Variants in SCIN observed in about 807,000 individuals in gnomAD.
SCIN encodes adseverin.
A neutral mutation model predicts 91.8 loss-of-function variants in SCIN; 91 were observed. The ratio of observed to expected loss-of-function variants is 0.99; its 90% CI spans 0.84 to 1.18. The LOEUF (loss-of-function observed/expected upper bound fraction) is 1.18. Among genes scored for constraint, SCIN ranks in the 50% most tolerant of loss-of-function variants. The probability of loss-of-function intolerance (pLI) is 0.00; values close to 1 mark genes in which losing one functional copy is unlikely to be tolerated. For missense variants in SCIN, 1,087 were observed against 863.9 expected, an observed-to-expected ratio of 1.26 and a Z score of -3.24; for synonymous variants, 367 against 312.6, an observed-to-expected ratio of 1.17 and a Z score of -1.84.
intron 13 of SCIN, among the ~76,000 whole-genome samples, chr7:12,645,672 G>A (rs147886192): frequency 1.3e-5 from 2 of 152,198 alleles, no homozygotes; most frequent in East Asian, 3.9e-4. Context: ...GGCCCCCAGT[G>A]TGTGTTGTTC....
At position 12,651,791 on chromosome 7, in the gene SCIN, T is replaced by A; in HGVS notation, c.1960-50T>A. The A allele has an allele frequency of 8.2e-7, 1 of 1,218,836 alleles. No individual in the cohort carries two copies. Among genetic ancestry groups the A allele is most frequent in the Non-Finnish European group, 1.2e-6 (1 of 842,068 alleles). 75.5% of individuals were successfully genotyped at this position (1,218,836 alleles called of 1,614,324 possible). A position where few individuals can be genotyped will look rare whatever the true frequency, so the allele number is the denominator to read the frequency against. On this transcript the variant is annotated intron_variant, in intron 14 of 15. Transcript: ENST00000297029. This position sits in a 1 kb window ranked among gnomAD's most constrained non-coding sequence, Gnocchi z 5.9. Reference sequence around the variant, plus strand: ...AAGCACTTTACATAGGGCCTAGCACTGAGTCAACATCCCAGAAATCATACA... The same window carrying A: ...AAGCACTTTACATAGGGCCTAGCACAGAGTCAACATCCCAGAAATCATACA...
At chr7:12,629,398 C>CCA (rs10655155) in intron 9 of SCIN, among the ~76,000 whole-genome samples, 176 bp downstream of exon 9, 44,456 of 151,914 alleles carry the variant, frequency 0.29, 7,866 homozygotes, top group African/African-American at 0.47. Flanking sequence ...CAGTTGCCAT[C>CCA]CACAGGCAGC....
intron 4 of SCIN, among the ~76,000 whole-genome samples, chr7:12,611,453 A>G (rs1524934): frequency 0.45 from 68,902 of 151,950 alleles, 16,371 homozygotes; most frequent in Admixed American, 0.6. Flanking sequence ...TCCTAAGTTT[A>G]CTAGACTTAC....
intron 4 of SCIN, among the ~76,000 whole-genome samples, chr7:12,612,051 T>C (rs1480207592): frequency 2.0e-5 from 3 of 149,062 alleles, no homozygotes; most frequent in African/African-American, 7.8e-5. Flanking sequence ...CTCTGTACTT[T>C]GTAAGAATGG....
chr7:12,604,556 C>T lies in SCIN; in HGVS notation c.559C>T (p.Arg187Cys), dbSNP rs776262304. The stretch of plus-strand genomic sequence containing the variant: ...TGGTTCCTCGTGCAACAAATATGAA[C>T]GTCTGAAGGCAAACCAGGTAGCTAC... ...WCGSSCNKYE[R>C]LKANQVATGI... The change falls in exon 4 of 16, where the codon CGT becomes TGT. Residue 187 changes from arginine (R) to cysteine (C), a missense_variant. Coordinates refer to ENST00000297029, the MANE Select transcript of SCIN (RefSeq NM_001112706.3). The T allele has an allele frequency of 1.5e-5, 23 of 1,551,500 alleles. No homozygotes were observed. The highest frequency in any genetic ancestry group is 5.9e-5 in the Admixed American group (3 of 50,944).
At chr7:12,582,751 C>T (rs1283321508) in intron 3 of SCIN, among the ~76,000 whole-genome samples, 4 of 152,068 alleles carry the variant, frequency 2.6e-5, no homozygotes, top group African/African-American at 9.7e-5. Flanking sequence ...CCCCTACCGC[C>T]ACCACCCCCT....
chr7:12,583,881 A>G (rs1782536754), intron 3 of SCIN, among the ~76,000 whole-genome samples: 1 of 152,164 alleles, frequency 6.6e-6, no homozygotes, highest in African/African-American at 2.4e-5. Context: ...ATTATCTTTA[A>G]TAACTTTCAA....
intron 3 of SCIN, among the ~76,000 whole-genome samples, chr7:12,588,589 G>A (rs940124313): frequency 6.6e-6 from 1 of 151,820 alleles, no homozygotes; most frequent in African/African-American, 2.4e-5. Context: ...GAGACCCTGG[G>A]GTTGTTTGTT....
chr7:12,578,234 A>C lies in SCIN; in HGVS notation c.354+16A>C. The stretch of plus-strand genomic sequence containing the variant: ...GAAATACAAGGTAAGCAGCTCCCTC[A>C]GTTTCCATTATGAATCCCTTTCTCC... On this transcript the variant is annotated intron_variant, in intron 2 of 15. Coordinates refer to ENST00000297029, the MANE Select transcript of SCIN (RefSeq NM_001112706.3). 1 of 1,539,548 alleles carries C rather than the reference A, an allele frequency of 6.5e-7. No individual in the cohort carries two copies. Among genetic ancestry groups the C allele is most frequent in the Non-Finnish European group, 8.8e-7 (1 of 1,141,530 alleles).
chr7:12,657,166 A>G lies in SCIN; in HGVS notation c.*4451A>G, dbSNP rs1052527790. On this transcript the variant is annotated 3_prime_UTR_variant, in exon 16 of 16. Coordinates refer to ENST00000297029, the MANE Select transcript of SCIN (RefSeq NM_001112706.3). The stretch of plus-strand genomic sequence containing the variant: ...CCAGAAATCCCACTCCATGGTGTGT[A>G]CCCAACAAAAATGCATACATGTGTG... 3.4e-4 allele frequency: 51 copies of G among 149,982 alleles called. 1 individual carries two copies. Among genetic ancestry groups the G allele is most frequent in the African/African-American group, 1.2e-3 (47 of 40,728 alleles). The allele number at this position is 149,982 out of a possible 1,614,324, so 9.3% of individuals were successfully genotyped here. A position where few individuals can be genotyped will look rare whatever the true frequency, so the allele number is the denominator to read the frequency against.
At chr7:12,583,927 G>A (rs1177780957) in intron 3 of SCIN, among the ~76,000 whole-genome samples, 1 of 151,984 alleles carries the variant, frequency 6.6e-6, no homozygotes, top group Admixed American at 6.6e-5. Flanking sequence ...AGAGATATTT[G>A]GAATGAGAGA....
At position 12,570,881 on chromosome 7, in the gene SCIN, T is replaced by C; in HGVS notation, c.95T>C (p.Val32Ala). The stretch of plus-strand genomic sequence containing the variant: ...ATTGAGAAGCTGGAGCTGGTGCCCG[T>C]GCCCCAGAGCGCTCACGGCGACTTC... Reference protein sequence around the residue: ...WRIEKLELVPVPQSAHGDFYV... With the variant: ...WRIEKLELVPAPQSAHGDFYV... The change falls in exon 1 of 16, where the codon GTG (valine) becomes GCG (alanine). Residue 32 changes from valine (V) to alanine (A), a missense_variant. Physicochemically the swap from Val to Ala is moderately conservative, Grantham distance 64. Transcript: ENST00000297029. The C allele has an allele frequency of 6.4e-7, 1 of 1,551,502 alleles. No individual in the cohort carries two copies. Among genetic ancestry groups the C allele is most frequent in the African/African-American group, 1.4e-5 (1 of 73,134 alleles).
Position 12,625,653 on chromosome 7 carries a change from T to A in SCIN, c.893-109T>A. ...CAATTTTGCTATTCTTTCACTGCTG[T>A]ATTTAACTTCAATTATAATCATGTT... On this transcript the variant is annotated intron_variant, in intron 6 of 15. Transcript: ENST00000297029. The A allele has an allele frequency of 4.7e-6, 4 of 842,388 alleles. No individual in the cohort carries two copies. In the South Asian group the frequency reaches 5.4e-5, roughly 11 times the overall value. The allele number at this position is 842,388 out of a possible 1,614,324, so 52.2% of individuals were successfully genotyped here. A position where few individuals can be genotyped will look rare whatever the true frequency, so the allele number is the denominator to read the frequency against.
In SCIN at chr7:12,599,370, AGTGT is replaced by A. The variant is rs10659954; in HGVS notation, c.517-5119_517-5116del. 4.5e-3 allele frequency among the ~76,000 whole-genome samples: 673 copies of A among 149,332 alleles called. 1 individual carries two copies. The highest frequency in any genetic ancestry group is 4.5e-3 in the African/African-American group (185 of 40,740). On this transcript the variant is annotated intron_variant, in intron 3 of 15. Coordinates refer to ENST00000297029, the MANE Select transcript of SCIN (RefSeq NM_001112706.3). ...AAACACTGCTTTGTATTTCATGGTG[AGTGT>A]GTGTGTGTGTGTGTGTGTGTGTGTA...
chr7:12,590,837 G>T (rs1782706341), intron 3 of SCIN, among the ~76,000 whole-genome samples: 1 of 152,134 alleles, frequency 6.6e-6, no homozygotes, highest in Admixed American at 6.5e-5. Flanking sequence ...TGGCAGTAAG[G>T]AGTCCTCTCT....
chr7:12,624,969 A>T, intron 5 of SCIN, 41 bp from the exon 6 acceptor site: 2 of 1,541,184 alleles, frequency 1.3e-6, no homozygotes, highest in Non-Finnish European at 1.8e-6. Context: ...CATCCTTATC[A>T]TCCCCAAATG....
intron 7 of SCIN, chr7:12,626,250 C>T (rs1783519753): frequency 3.1e-6 from 1 of 327,852 alleles, no homozygotes; most frequent in Non-Finnish European, 5.5e-6. Flanking sequence ...CCGAATCTCT[C>T]AGCCTCATCT....
Position 12,647,973 on chromosome 7 carries a change from G to A in SCIN, c.1882-1494G>A, listed in dbSNP as rs370117968. Among the ~76,000 whole-genome samples, 9 of 152,192 alleles carry A rather than the reference G, an allele frequency of 5.9e-5. No homozygotes were observed. The South Asian group carries it at 6.2e-4, about 11-fold the overall frequency. On this transcript the variant is annotated intron_variant, in intron 13 of 15. Transcript: ENST00000297029. ...ACGCCCCAGTCAGCTCCATAGCACCGCAAAGTCACATGCCAGAGGGAGTGA... is the reference window on the plus strand; with the variant it reads ...ACGCCCCAGTCAGCTCCATAGCACCACAAAGTCACATGCCAGAGGGAGTGA...
chr7:12,599,509 G>A (rs1222697026), intron 3 of SCIN, among the ~76,000 whole-genome samples: 1 of 152,008 alleles, frequency 6.6e-6, no homozygotes, highest in African/African-American at 2.4e-5. Flanking sequence ...TTTATATAAT[G>A]ACTTCGTTTC....
Sources: allele counts gnomAD v4.1 joint callset (sites outside exome capture counted in the v4.1 genomes callset), GRCh38; gene constraint gnomAD v4.1.1; non-coding constraint Gnocchi (gnomAD v3.1); transcripts MANE v1.5; gene names NCBI Gene and HGNC (gene_info 2026-07-23, HGNC 2026-07-21).